The following ZNRF1 variants were observed in gnomAD, a reference collection of about 807,000 sequenced individuals.
ZNRF1 encodes E3 ubiquitin-protein ligase ZNRF1.
A neutral mutation model predicts 18.4 loss-of-function variants in ZNRF1; 3 were observed. The observed-to-expected ratio is 0.16, with a 90% CI of 0.07 to 0.42. The LOEUF is 0.42. ZNRF1 is among the 10% of genes least tolerant of loss of function. The pLI is 0.99. For synonymous variants in ZNRF1, 157 were observed against 144.2 expected (o/e 1.09, Z -0.64); for missense variants, 310 against 329.8 (o/e 0.94, Z 0.47).
Position 75,005,506 on chromosome 16 carries a change from G to A in ZNRF1, c.424+5411G>A, listed in dbSNP as rs1211201374. 2.6e-5 allele frequency among the ~76,000 whole-genome samples: 4 copies of A among 152,260 alleles called. No homozygotes were observed. The East Asian group carries it at 7.7e-4, about 29-fold the overall frequency. On this transcript the variant is annotated intron_variant, in intron 1 of 4. Transcript: ENST00000335325. ...CCTTTTGGGAAAAGGAACATGCTTT[G>A]TATTTTACATATGTGGTATTCACCC...
intron 1 of ZNRF1, among the ~76,000 whole-genome samples, chr16:75,071,098 C>CTTTTTTTTTTTTTTT (rs56690008): frequency 1.4e-5 from 2 of 143,468 alleles, no homozygotes. Context: ...GCACAGGTGT[C>CTTTTTTTTTTTTTTT]TTTTTTTTTT....
At chr16:75,024,897 C>A (rs2035200243) in intron 1 of ZNRF1, among the ~76,000 whole-genome samples, 1 of 152,162 alleles carries the variant, frequency 6.6e-6, no homozygotes, top group Admixed American at 6.5e-5. Flanking sequence ...CCCCCATGAT[C>A]CCTCTGGTGT....
At chr16:75,060,517 G>A (rs561834896) in intron 1 of ZNRF1, among the ~76,000 whole-genome samples, 37 of 106,292 alleles carry the variant, frequency 3.5e-4, no homozygotes, top group African/African-American at 4.9e-4. Context: ...TCATTCTGTC[G>A]CCCAGGCTTG....
intron 3 of ZNRF1, chr16:75,105,840 T>C (rs376768649): frequency 6.6e-6 from 1 of 152,294 alleles, no homozygotes; most frequent in African/African-American, 2.4e-5. Flanking sequence ...TGTTCCCTCT[T>C]TGATGCAGAG....
chr16:75,024,217 A>G (rs1434864287), intron 1 of ZNRF1, among the ~76,000 whole-genome samples: 1 of 151,988 alleles, frequency 6.6e-6, no homozygotes, highest in East Asian at 1.9e-4. Flanking sequence ...GTCCATACTA[A>G]CTGCTGGAGT....
At chr16:75,038,945 A>G (rs2035407570) in intron 1 of ZNRF1, among the ~76,000 whole-genome samples, 1 of 152,138 alleles carries the variant, frequency 6.6e-6, no homozygotes, top group African/African-American at 2.4e-5. Flanking sequence ...CTATTGTTTT[A>G]TAATCACTGG....
At chr16:75,079,520 G>T (rs965474149) in intron 1 of ZNRF1, among the ~76,000 whole-genome samples, 4 of 152,018 alleles carry the variant, frequency 2.6e-5, no homozygotes, top group African/African-American at 9.7e-5. Context: ...CATCGGTCAG[G>T]CCCTCACAGC....
chr16:75,102,282 TC>T (rs1318528368), intron 2 of ZNRF1, among the ~76,000 whole-genome samples: 1 of 152,084 alleles, frequency 6.6e-6, no homozygotes, highest in African/African-American at 2.4e-5. Flanking sequence ...AGGGTCCCAG[TC>T]CCAGCCCCAC....
intron 1 of ZNRF1, among the ~76,000 whole-genome samples, chr16:75,030,596 C>T (rs915437294): frequency 6.6e-6 from 1 of 152,014 alleles, no homozygotes; most frequent in Non-Finnish European, 1.5e-5. Flanking sequence ...AATTTTAGAA[C>T]CTTTTTTAAT....
intron 1 of ZNRF1, among the ~76,000 whole-genome samples, chr16:75,011,745 C>A (rs921164242): frequency 6.6e-6 from 1 of 152,170 alleles, no homozygotes; most frequent in African/African-American, 2.4e-5. Context: ...TAATATCTGA[C>A]GAGCCCAGTC....
chr16:75,084,587 G>A (rs2036053067), intron 1 of ZNRF1: 2 of 152,184 alleles, frequency 1.3e-5, no homozygotes, highest in South Asian at 4.1e-4. Flanking sequence ...TGCAGCTCAA[G>A]CATCCTGTAC....
intron 1 of ZNRF1, among the ~76,000 whole-genome samples, chr16:75,027,953 C>A (rs972971759): frequency 6.6e-6 from 1 of 152,228 alleles, no homozygotes; most frequent in African/African-American, 2.4e-5. Context: ...TGATGACCTT[C>A]CTATTTCATT....
intron 1 of ZNRF1, among the ~76,000 whole-genome samples, chr16:75,080,090 A>G (rs568971858): frequency 3.9e-5 from 6 of 152,080 alleles, no homozygotes; most frequent in Non-Finnish European, 5.9e-5. Context: ...TAATTTTTGT[A>G]TACTTAGTAG....
At chr16:75,004,377 G>A (rs1033012652) in intron 1 of ZNRF1, among the ~76,000 whole-genome samples, 15 of 152,100 alleles carry the variant, frequency 9.9e-5, no homozygotes, top group Non-Finnish European at 1.6e-4. Flanking sequence ...CGGTAGTTCT[G>A]TTTGTCTCAG....
intron 1 of ZNRF1, among the ~76,000 whole-genome samples, chr16:75,001,040 G>A (rs747402078): frequency 3.9e-4 from 59 of 152,334 alleles, no homozygotes; most frequent in Admixed American, 7.9e-4. Context: ...AGGTCTGTCT[G>A]CTAGGTCAGG....
chr16:75,012,183 A>G (rs2035007972), intron 1 of ZNRF1, among the ~76,000 whole-genome samples: 2 of 152,244 alleles, frequency 1.3e-5, no homozygotes, highest in African/African-American at 2.4e-5. Flanking sequence ...CTGAATTCAA[A>G]GTGCAGGACA....
At chr16:75,024,463 G>A (rs572300342) in intron 1 of ZNRF1, among the ~76,000 whole-genome samples, 3 of 152,286 alleles carry the variant, frequency 2.0e-5, no homozygotes, top group South Asian at 2.1e-4. Flanking sequence ...AGTAATCATA[G>A]GAATAAAGAT....
intron 1 of ZNRF1, among the ~76,000 whole-genome samples, chr16:75,049,296 AC>A (rs1466833773): frequency 6.6e-6 from 1 of 151,836 alleles, no homozygotes; most frequent in African/African-American, 2.4e-5. Context: ...TGAGCACCAC[AC>A]CCGGCCTGGA....
chr16:75,032,491 G>T (rs1444417998), intron 1 of ZNRF1, among the ~76,000 whole-genome samples: 2 of 151,992 alleles, frequency 1.3e-5, no homozygotes, highest in African/African-American at 4.8e-5. Flanking sequence ...TTTGTCAATT[G>T]TCATTGCACT....
Sources: allele counts gnomAD v4.1 joint callset (sites outside exome capture counted in the v4.1 genomes callset), GRCh38; gene constraint gnomAD v4.1.1; transcripts MANE v1.5; gene names NCBI Gene and HGNC (gene_info 2026-07-23, HGNC 2026-07-21).